Variants in DRC11 observed in about 807,000 individuals in gnomAD.
The protein encoded by DRC11 is dynein regulatory complex subunit 11, also known as IQ and AAA domain-containing protein 1.
At chr2:236,446,454 AG>A in the DRC11 span, among the ~76,000 whole-genome samples, 1 of 152,348 alleles carries the variant, frequency 6.6e-6, no homozygotes, top group East Asian at 1.9e-4. The surrounding 1 kb of genome is among the most constrained non-coding windows in gnomAD (Gnocchi z 6.2). Context: ...ACAGGGCGTC[AG>A]GAAGACGGTT....
chr2:236,388,713 G>A, the DRC11 span, among the ~76,000 whole-genome samples: 50 of 146,610 alleles, frequency 3.4e-4, no homozygotes, highest in African/African-American at 1.0e-3. Context: ...GAGGAACTGC[G>A]TTCCTTTGGA....
chr2:236,465,647 G>A, the DRC11 span: 1 of 1,613,836 alleles, frequency 6.2e-7, no homozygotes, highest in Non-Finnish European at 8.5e-7. The surrounding 1 kb of genome is among the most constrained non-coding windows in gnomAD (Gnocchi z 6.2). Context: ...TCATTCCGCA[G>A]GCGGTCCACC....
the DRC11 span, among the ~76,000 whole-genome samples, chr2:236,439,202 A>G: frequency 6.6e-6 from 1 of 151,772 alleles, no homozygotes; most frequent in Non-Finnish European, 1.5e-5. Flanking sequence ...AGCAGAAGGC[A>G]AGAAATAACT....
At chr2:236,474,708 G>C in the DRC11 span, among the ~76,000 whole-genome samples, 1 of 152,002 alleles carries the variant, frequency 6.6e-6, no homozygotes, top group Non-Finnish European at 1.5e-5. Context: ...GAGAAATACT[G>C]ACATATCATC....
the DRC11 span, chr2:236,391,847 A>G: frequency 1.4e-6 from 1 of 730,092 alleles, no homozygotes; most frequent in Non-Finnish European, 2.4e-6. This position sits in a 1 kb window ranked among gnomAD's most constrained non-coding sequence, Gnocchi z 4.5. Flanking sequence ...TACCAAAGGC[A>G]GGCATGTTTC....
the DRC11 span, among the ~76,000 whole-genome samples, chr2:236,483,745 G>A: frequency 3.3e-5 from 5 of 152,170 alleles, no homozygotes; most frequent in African/African-American, 4.8e-5. This position sits in a 1 kb window ranked among gnomAD's most constrained non-coding sequence, Gnocchi z 4.8. Context: ...CGAACTTGCC[G>A]TGTCATTTAG....
At chr2:236,419,329 G>A in the DRC11 span, 7 of 1,494,638 alleles carry the variant, frequency 4.7e-6, no homozygotes, top group Non-Finnish European at 6.2e-6. The surrounding 1 kb of genome is among the most constrained non-coding windows in gnomAD (Gnocchi z 4.8). Flanking sequence ...GAGAAGGACT[G>A]TTTTCCCTGT....
chr2:236,362,077 G>C, the DRC11 span, among the ~76,000 whole-genome samples: 1 of 152,134 alleles, frequency 6.6e-6, no homozygotes. This position sits in a 1 kb window ranked among gnomAD's most constrained non-coding sequence, Gnocchi z 5.7. Flanking sequence ...CCTAAACGTG[G>C]ATGTATCTCA....
At chr2:236,403,637 A>G in the DRC11 span, among the ~76,000 whole-genome samples, 2 of 152,082 alleles carry the variant, frequency 1.3e-5, no homozygotes, top group African/African-American at 4.8e-5. Context: ...AAAAAAAATT[A>G]TATTTCTTTA....
chr2:236,387,599 G>T, the DRC11 span, among the ~76,000 whole-genome samples: 1 of 152,002 alleles, frequency 6.6e-6, no homozygotes, highest in Non-Finnish European at 1.5e-5. Context: ...ACACTGATGG[G>T]TCTTGACTCT....
the DRC11 span, among the ~76,000 whole-genome samples, chr2:236,452,104 T>C: frequency 6.6e-6 from 1 of 152,348 alleles, no homozygotes; most frequent in South Asian, 2.1e-4. The surrounding 1 kb of genome is among the most constrained non-coding windows in gnomAD (Gnocchi z 4.7). Flanking sequence ...TACATTCTTT[T>C]ATTTGCAAAA....
At chr2:236,314,918 G>T in the DRC11 span, among the ~76,000 whole-genome samples, 1 of 152,138 alleles carries the variant, frequency 6.6e-6, no homozygotes, top group Non-Finnish European at 1.5e-5. This position sits in a 1 kb window ranked among gnomAD's most constrained non-coding sequence, Gnocchi z 4.5. Context: ...TAAAATATTA[G>T]TTTTTTGGTG....
chr2:236,350,692 G>A, the DRC11 span, among the ~76,000 whole-genome samples: 5 of 152,212 alleles, frequency 3.3e-5, no homozygotes, highest in African/African-American at 4.8e-5. The surrounding 1 kb of genome is among the most constrained non-coding windows in gnomAD (Gnocchi z 5.2). Flanking sequence ...CCAGGCGGCC[G>A]CCACACTGCC....
At chr2:236,483,976 G>A in the DRC11 span, among the ~76,000 whole-genome samples, 10 of 152,196 alleles carry the variant, frequency 6.6e-5, no homozygotes, top group Non-Finnish European at 1.3e-4. This position sits in a 1 kb window ranked among gnomAD's most constrained non-coding sequence, Gnocchi z 4.8. Flanking sequence ...AGGATTTAAA[G>A]TATCAACCAC....
chr2:236,366,437 C>T, the DRC11 span, among the ~76,000 whole-genome samples: 7 of 152,316 alleles, frequency 4.6e-5, no homozygotes, highest in South Asian at 1.5e-3. Flanking sequence ...AAATCAGCCT[C>T]CCAAAAGCTT....
At chr2:236,378,533 G>C in the DRC11 span, among the ~76,000 whole-genome samples, 1 of 152,102 alleles carries the variant, frequency 6.6e-6, no homozygotes, top group Non-Finnish European at 1.5e-5. Context: ...AAATTAGCTG[G>C]GCCTGGTGGT....
chr2:236,445,008 C>T, the DRC11 span, among the ~76,000 whole-genome samples: 4 of 152,346 alleles, frequency 2.6e-5, no homozygotes, highest in Non-Finnish European at 5.9e-5. The surrounding 1 kb of genome is among the most constrained non-coding windows in gnomAD (Gnocchi z 4.8). Context: ...CCGTGCATCG[C>T]CCAGCCTGGA....
At chr2:236,478,747 T>C in the DRC11 span, among the ~76,000 whole-genome samples, 1 of 152,124 alleles carries the variant, frequency 6.6e-6, no homozygotes, top group African/African-American at 2.4e-5. The surrounding 1 kb of genome is among the most constrained non-coding windows in gnomAD (Gnocchi z 5.9). Flanking sequence ...ATAATTATTA[T>C]ATTATCTTGC....
At chr2:236,337,427 C>T in the DRC11 span, among the ~76,000 whole-genome samples, 1 of 152,226 alleles carries the variant, frequency 6.6e-6, no homozygotes, top group Non-Finnish European at 1.5e-5. The surrounding 1 kb of genome is among the most constrained non-coding windows in gnomAD (Gnocchi z 4.9). Context: ...CACCCTTTCT[C>T]TCTGGGGGCC....
Sources: allele counts gnomAD v4.1 joint callset (sites outside exome capture counted in the v4.1 genomes callset), GRCh38; gene constraint gnomAD v4.1.1; non-coding constraint Gnocchi (gnomAD v3.1); transcripts MANE v1.5; gene names NCBI Gene and HGNC (gene_info 2026-07-23, HGNC 2026-07-21).